Variants in TTC7B observed in about 807,000 individuals in gnomAD.
TTC7B encodes tetratricopeptide repeat domain 7B, also known as tetratricopeptide repeat protein 7B.
A neutral mutation model predicts 106.8 loss-of-function variants in TTC7B; 28 were observed. The observed-to-expected ratio is 0.26, with a 90% CI of 0.19 to 0.36. TTC7B has a LOEUF of 0.36. Ranked by LOEUF, TTC7B falls within the 10% of genes least tolerant of loss-of-function variation. The pLI, the probability that TTC7B is intolerant of heterozygous loss-of-function variation, is 1.00. For synonymous variants in TTC7B, 405 were observed against 430.6 expected (o/e 0.94, Z 0.74); for missense variants, 862 against 1,076.4 (o/e 0.80, Z 2.79).
At chr14:90,709,364 T>C (rs796780438) in intron 5 of TTC7B, among the ~76,000 whole-genome samples, 2 of 150,488 alleles carry the variant, frequency 1.3e-5, no homozygotes, top group South Asian at 2.1e-4. Flanking sequence ...CCATAAAAAA[T>C]GATGAGTTCA....
intron 1 of TTC7B, among the ~76,000 whole-genome samples, chr14:90,794,252 C>T (rs2140049127): frequency 7.7e-6 from 1 of 129,616 alleles, no homozygotes; most frequent in South Asian, 2.5e-4. Context: ...CGGAGTCTCG[C>T]TCTGTCACCA....
chr14:90,594,930 T>C (rs891461117), intron 17 of TTC7B, among the ~76,000 whole-genome samples: 4 of 152,126 alleles, frequency 2.6e-5, no homozygotes, highest in African/African-American at 7.2e-5. Context: ...GGTTGGTGGA[T>C]GGAAATCAGA....
intron 3 of TTC7B, among the ~76,000 whole-genome samples, chr14:90,766,135 G>GT (rs3085720): frequency 0.015 from 2,083 of 143,352 alleles, 22 homozygotes; most frequent in African/African-American, 0.027. Flanking sequence ...AGCCTACAAC[G>GT]TTTTTTTTTT....
chr14:90,686,759 G>C (rs1887265626), intron 7 of TTC7B, among the ~76,000 whole-genome samples: 1 of 152,160 alleles, frequency 6.6e-6, no homozygotes, highest in South Asian at 2.1e-4. Context: ...ATATTTGCAT[G>C]CACACATGTG....
At chr14:90,760,122 A>G (rs1217455342) in intron 3 of TTC7B, among the ~76,000 whole-genome samples, 4 of 152,230 alleles carry the variant, frequency 2.6e-5, no homozygotes, top group Non-Finnish European at 5.9e-5. Flanking sequence ...GGTGTGGACA[A>G]ACGGGGCTGG....
At chr14:90,784,175 C>T (rs979226966) in intron 2 of TTC7B, among the ~76,000 whole-genome samples, 9 of 87,948 alleles carry the variant, frequency 1.0e-4, no homozygotes, top group Non-Finnish European at 1.7e-4. Flanking sequence ...TCCCTTCACT[C>T]TCTCCTGCTG....
At chr14:90,629,635 A>G (rs1884603705) in intron 15 of TTC7B, among the ~76,000 whole-genome samples, 1 of 152,254 alleles carries the variant, frequency 6.6e-6, no homozygotes. Context: ...AAGTCTCAAG[A>G]GGACACTCCC....
chr14:90,605,359 T>A (rs1243350433), intron 17 of TTC7B, among the ~76,000 whole-genome samples: 1 of 152,232 alleles, frequency 6.6e-6, no homozygotes, highest in Admixed American at 6.5e-5. Flanking sequence ...AAAACTTCTA[T>A]CCGTTCTGCC....
intron 5 of TTC7B, among the ~76,000 whole-genome samples, chr14:90,725,367 A>G (rs1443872665): frequency 6.6e-6 from 1 of 152,074 alleles, no homozygotes; most frequent in Non-Finnish European, 1.5e-5. Flanking sequence ...TATCTGAGAC[A>G]TAAGCCCAGG....
Position 90,802,812 on chromosome 14 carries a change from G to A in TTC7B, c.121+13363C>T, listed in dbSNP as rs1049768969. 1.3e-5 allele frequency among the ~76,000 whole-genome samples: 2 copies of A among 152,070 alleles called. No homozygotes were observed. Among genetic ancestry groups the A allele is most frequent in the East Asian group, 1.9e-4 (1 of 5,170 alleles). On this transcript the variant is annotated intron_variant, in intron 1 of 19. Transcript: ENST00000328459. This position sits in a 1 kb window ranked among gnomAD's most constrained non-coding sequence, Gnocchi z 4.7. ...CAGGGCAGGGACACTGTCAAGCAGCGGGGTTAGAAGAGAAGGGCACACACC... is the reference window on the plus strand; with the variant it reads ...CAGGGCAGGGACACTGTCAAGCAGCAGGGTTAGAAGAGAAGGGCACACACC...
chr14:90,766,482 T>A (rs149091260), intron 3 of TTC7B: 31 of 661,524 alleles, frequency 4.7e-5, no homozygotes, highest in Non-Finnish European at 7.6e-5. Flanking sequence ...AAGAAGCCAA[T>A]AAGAAATTCT....
At chr14:90,589,066 C>T (rs1891843703) in intron 18 of TTC7B, among the ~76,000 whole-genome samples, 1 of 152,132 alleles carries the variant, frequency 6.6e-6, no homozygotes, top group Admixed American at 6.5e-5. Flanking sequence ...ACTTGTCAGA[C>T]TGGAAAGATC....
At chr14:90,801,058 C>T (rs562965267) in intron 1 of TTC7B, among the ~76,000 whole-genome samples, 4 of 141,268 alleles carry the variant, frequency 2.8e-5, no homozygotes, top group African/African-American at 1.0e-4. Flanking sequence ...GACCTTGTCT[C>T]TATACAAATT....
At chr14:90,791,730 C>T (rs934359733) in intron 1 of TTC7B, among the ~76,000 whole-genome samples, 3 of 152,190 alleles carry the variant, frequency 2.0e-5, no homozygotes, top group South Asian at 2.1e-4. Flanking sequence ...GAAAATGGCA[C>T]GCCCATCTGA....
At position 90,528,456 on chromosome 14, in the gene TTC7B, C is replaced by T. The variant is rs1239086281; in HGVS notation, c.*12912G>A. ...GGTGCAGTGGCATAATCACTGCAGC[C>T]TTGACCTCCCACTTTGTTACCTGTT... On this transcript the variant is annotated 3_prime_UTR_variant, in exon 20 of 20. Transcript: ENST00000328459. 1 of 152,694 alleles carries T rather than the reference C, an allele frequency of 6.5e-6. No homozygotes were observed. Among genetic ancestry groups the T allele is most frequent in the Non-Finnish European group, 1.5e-5 (1 of 68,386 alleles). The allele number at this position is 152,694 out of a possible 1,614,324, so 9.5% of individuals were successfully genotyped here. A position where few individuals can be genotyped will look rare whatever the true frequency, so the allele number is the denominator to read the frequency against.
intron 9 of TTC7B, among the ~76,000 whole-genome samples, chr14:90,667,303 G>C (rs1886447532): frequency 6.6e-6 from 1 of 152,196 alleles, no homozygotes; most frequent in African/African-American, 2.4e-5. Flanking sequence ...CATGGAGGCA[G>C]GGAGGAGTAC....
At chr14:90,787,771 T>C (rs1054229040) in intron 1 of TTC7B, among the ~76,000 whole-genome samples, 2 of 152,094 alleles carry the variant, frequency 1.3e-5, no homozygotes, top group Non-Finnish European at 2.9e-5. Flanking sequence ...AATAACCTTT[T>C]AGAGATGAGA....
In TTC7B at chr14:90,676,707, C is replaced by T. The variant is rs543568655; in HGVS notation, c.1015-47G>A. ...AAGCAGATGGAGAGAGAACCTAGTG[C>T]TGCATGGCGGGGAGTCCACCTAGGC... On this transcript the variant is annotated intron_variant, in intron 8 of 19. Coordinates refer to ENST00000328459, the MANE Select transcript of TTC7B (RefSeq NM_001010854.2). 30 of 1,597,786 alleles carry T rather than the reference C, an allele frequency of 1.9e-5. No individual in the cohort carries two copies. The African/African-American group carries it at 3.7e-4, about 20-fold the overall frequency.
chr14:90,666,349 C>T (rs1222048642), intron 9 of TTC7B, among the ~76,000 whole-genome samples: 1 of 152,104 alleles, frequency 6.6e-6, no homozygotes, highest in Non-Finnish European at 1.5e-5. Flanking sequence ...TTAGTAGAGA[C>T]AGGGTTTCAC....
Sources: allele counts gnomAD v4.1 joint callset (sites outside exome capture counted in the v4.1 genomes callset), GRCh38; gene constraint gnomAD v4.1.1; non-coding constraint Gnocchi (gnomAD v3.1); transcripts MANE v1.5; gene names NCBI Gene and HGNC (gene_info 2026-07-23, HGNC 2026-07-21).